NOL4: variants seen among roughly 807,000 people sequenced by gnomAD.
The protein encoded by NOL4 is nucleolar protein 4, also known as cancer/testis antigen 125.
In NOL4, 17 loss-of-function variants were observed where a neutral mutation model predicts 75.9. The ratio of observed to expected loss-of-function variants is 0.22; its 90% CI spans 0.15 to 0.34. The LOEUF (loss-of-function observed/expected upper bound fraction) is 0.34. Ranked by LOEUF, NOL4 falls within the 10% of genes least tolerant of loss-of-function variation. The pLI, the probability that NOL4 is intolerant of heterozygous loss-of-function variation, is 1.00. For synonymous variants in NOL4, 292 were observed against 289.9 expected (o/e 1.01, Z -0.07); for missense variants, 614 against 793.5 (o/e 0.77, Z 2.72).
At chr18:33,885,811 G>A (rs577664160) in intron 9 of NOL4, among the ~76,000 whole-genome samples, 9 of 152,078 alleles carry the variant, frequency 5.9e-5, no homozygotes, top group East Asian at 1.9e-4. Flanking sequence ...CCAGCAATCC[G>A]ACTGTGGGTT....
intron 1 of NOL4, among the ~76,000 whole-genome samples, chr18:34,188,043 T>C (rs2034626171): frequency 6.6e-6 from 1 of 152,214 alleles, no homozygotes; most frequent in African/African-American, 2.4e-5. Context: ...CTCACTGTGC[T>C]TTAATTTGCA....
chr18:33,899,394 T>G (rs1396946365), intron 9 of NOL4, among the ~76,000 whole-genome samples: 1 of 152,258 alleles, frequency 6.6e-6, no homozygotes, highest in East Asian at 1.9e-4. Flanking sequence ...TAAAGTTGTC[T>G]ACCTTCCTCC....
At chr18:34,219,805 A>C (rs2037171615) in intron 1 of NOL4, among the ~76,000 whole-genome samples, 1 of 152,254 alleles carries the variant, frequency 6.6e-6, no homozygotes, top group Admixed American at 6.5e-5. Flanking sequence ...CGTGCGCGTG[A>C]GTGTGCAGTG....
chr18:34,022,604 G>C (rs1045534512), intron 5 of NOL4, among the ~76,000 whole-genome samples: 2 of 151,774 alleles, frequency 1.3e-5, no homozygotes, highest in South Asian at 2.1e-4. Context: ...GTCCAAAGAA[G>C]AGCACAATGA....
chr18:34,101,758 T>A (rs1482888363), intron 4 of NOL4, among the ~76,000 whole-genome samples: 1 of 152,066 alleles, frequency 6.6e-6, no homozygotes, highest in Non-Finnish European at 1.5e-5. Flanking sequence ...TGTCCCTGCA[T>A]CCAGTTTTTT....
At chr18:33,931,848 GT>G (rs2067715732) in intron 9 of NOL4, among the ~76,000 whole-genome samples, 1 of 151,932 alleles carries the variant, frequency 6.6e-6, no homozygotes, top group Non-Finnish European at 1.5e-5. Flanking sequence ...TAAATGCAAA[GT>G]TTTTATGTTT....
At chr18:34,085,199 G>C (rs757226510) in intron 5 of NOL4, among the ~76,000 whole-genome samples, 2 of 152,248 alleles carry the variant, frequency 1.3e-5, no homozygotes, top group South Asian at 2.1e-4. Flanking sequence ...TTGTTATGAG[G>C]CTTCTTAATT....
chr18:34,006,031 T>C (rs143789852), intron 6 of NOL4, among the ~76,000 whole-genome samples: 239 of 152,234 alleles, frequency 1.6e-3, no homozygotes, highest in African/African-American at 5.3e-3. Flanking sequence ...ATTTTTTGCA[T>C]ATAAAAACTG....
intron 1 of NOL4, among the ~76,000 whole-genome samples, chr18:34,206,143 AT>A (rs2036107324): frequency 1.3e-5 from 2 of 152,090 alleles, no homozygotes; most frequent in South Asian, 4.1e-4. Context: ...TACTTAGGGA[AT>A]TTCCAGACAA....
intron 1 of NOL4, among the ~76,000 whole-genome samples, chr18:34,167,258 C>G (rs980011650): frequency 2.0e-5 from 3 of 151,990 alleles, no homozygotes; most frequent in East Asian, 3.9e-4. Flanking sequence ...TGGACCCAAT[C>G]CCTAATGGAT....
chr18:34,067,442 C>T (rs2077327330), intron 5 of NOL4, among the ~76,000 whole-genome samples: 2 of 152,054 alleles, frequency 1.3e-5, no homozygotes, highest in Admixed American at 1.3e-4. Context: ...AAAGAATCAT[C>T]GGGCTTAGAA....
intron 6 of NOL4, among the ~76,000 whole-genome samples, chr18:33,988,067 T>C (rs1600161261): frequency 6.6e-6 from 1 of 152,088 alleles, no homozygotes; most frequent in Admixed American, 6.6e-5. Context: ...ACTTAGCATA[T>C]GAAGTCTTGG....
chr18:34,068,686 C>G (rs1165339431), intron 5 of NOL4, among the ~76,000 whole-genome samples: 2 of 152,144 alleles, frequency 1.3e-5, no homozygotes, highest in African/African-American at 4.8e-5. Context: ...CATAAGCCAC[C>G]GCGCCTGGCA....
chr18:33,863,695 C>T (rs1259139505), intron 10 of NOL4, among the ~76,000 whole-genome samples: 1 of 152,166 alleles, frequency 6.6e-6, no homozygotes, highest in Non-Finnish European at 1.5e-5. Flanking sequence ...CTTTTTCAAG[C>T]ACATGGTGCA....
chr18:34,051,812 G>A (rs1259575071), intron 5 of NOL4, among the ~76,000 whole-genome samples: 1 of 151,892 alleles, frequency 6.6e-6, no homozygotes, highest in Non-Finnish European at 1.5e-5. Context: ...TTTCCGGCAG[G>A]GGAAATGAAT....
intron 1 of NOL4, among the ~76,000 whole-genome samples, chr18:34,192,474 A>AGTAATAAAAACAGTATGGTACTG (rs2146412599): frequency 6.6e-6 from 1 of 152,352 alleles, no homozygotes; most frequent in African/African-American, 2.4e-5. Context: ...ACAAAGCTGT[A>AGTAATAAAAACAGTATGGTACTG]GTAATAAAAA....
chr18:34,150,393 G>T (rs1414954973), intron 1 of NOL4, among the ~76,000 whole-genome samples: 1 of 151,656 alleles, frequency 6.6e-6, no homozygotes, highest in African/African-American at 2.4e-5. Context: ...CAGAACAAAC[G>T]AGTATCAGTA....
At chr18:33,866,873 T>A (rs1329689091) in intron 10 of NOL4, among the ~76,000 whole-genome samples, 1 of 152,156 alleles carries the variant, frequency 6.6e-6, no homozygotes, top group Non-Finnish European at 1.5e-5. Flanking sequence ...TACATACATG[T>A]ATACATTTTC....
chr18:33,948,883 A>C (rs2069015265), intron 8 of NOL4, among the ~76,000 whole-genome samples: 1 of 152,034 alleles, frequency 6.6e-6, no homozygotes, highest in Non-Finnish European at 1.5e-5. Flanking sequence ...ACGGAAGTGC[A>C]TTATTAAGAG....
Sources: allele counts gnomAD v4.1 joint callset (sites outside exome capture counted in the v4.1 genomes callset), GRCh38; gene constraint gnomAD v4.1.1; transcripts MANE v1.5; gene names NCBI Gene and HGNC (gene_info 2026-07-23, HGNC 2026-07-21).